The following EPHB2 variants were observed in gnomAD, a reference collection of about 807,000 sequenced individuals.
EPHB2 encodes ephrin type-B receptor 2.
In EPHB2, 18 loss-of-function variants were observed where a neutral mutation model predicts 96.4. The observed-to-expected ratio is 0.19, with a 90% CI of 0.13 to 0.28. EPHB2 has a LOEUF of 0.28. Ranked by LOEUF, EPHB2 falls within the 10% of genes least tolerant of loss-of-function variation. EPHB2 has a pLI of 1.00. For missense variants in EPHB2, 989 were observed against 1,355.4 expected (o/e 0.73, Z 4.25); for synonymous variants, 506 against 534.1 (o/e 0.95, Z 0.72).
At chr1:22,834,769 T>C (rs1247204239) in intron 3 of EPHB2, among the ~76,000 whole-genome samples, 1 of 150,624 alleles carries the variant, frequency 6.6e-6, no homozygotes, top group Non-Finnish European at 1.5e-5. Flanking sequence ...TACCAAAAAA[T>C]ACAAAAAGTA....
chr1:22,891,703 C>T (rs1183501598), intron 6 of EPHB2, among the ~76,000 whole-genome samples: 1 of 152,120 alleles, frequency 6.6e-6, no homozygotes, highest in African/African-American at 2.4e-5. Context: ...TTCTTCATCT[C>T]TCAAAGGAGA....
intron 3 of EPHB2, chr1:22,836,707 GC>G (rs1342374856): frequency 6.5e-6 from 1 of 152,942 alleles, no homozygotes; most frequent in Non-Finnish European, 1.5e-5. Flanking sequence ...AGATTTCAGA[GC>G]CGCAGTGACC....
chr1:22,742,926 C>CT (rs1643922252), intron 1 of EPHB2, among the ~76,000 whole-genome samples: 1 of 151,368 alleles, frequency 6.6e-6, no homozygotes. Context: ...GTCTCATACT[C>CT]TGTCACTCAG....
At chr1:22,834,632 A>C (rs894794818) in intron 3 of EPHB2, among the ~76,000 whole-genome samples, 2 of 152,210 alleles carry the variant, frequency 1.3e-5, no homozygotes, top group African/African-American at 4.8e-5. Context: ...TTTCAAAAAA[A>C]AAAATGGCAA....
intron 1 of EPHB2, among the ~76,000 whole-genome samples, chr1:22,773,843 A>G (rs921250033): frequency 6.6e-6 from 1 of 152,186 alleles, no homozygotes; most frequent in East Asian, 1.9e-4. Flanking sequence ...GTGGCTAAGG[A>G]CATGGGCTTT....
chr1:22,743,758 C>G (rs867243734), intron 1 of EPHB2, among the ~76,000 whole-genome samples: 41 of 152,326 alleles, frequency 2.7e-4, no homozygotes, highest in Middle Eastern at 6.8e-3. Context: ...TAGGTGTGAG[C>G]CACCGTGCCC....
At chr1:22,731,768 A>G (rs1643718460) in intron 1 of EPHB2, among the ~76,000 whole-genome samples, 1 of 152,160 alleles carries the variant, frequency 6.6e-6, no homozygotes, top group Admixed American at 6.5e-5. Flanking sequence ...TGAACCCGGG[A>G]AGTGGAGGTT....
At chr1:22,711,876 A>G (rs1570129340) in intron 1 of EPHB2, among the ~76,000 whole-genome samples, 1 of 151,972 alleles carries the variant, frequency 6.6e-6, no homozygotes, top group African/African-American at 2.4e-5. Context: ...CTCGACCCCC[A>G]GGGGGGCAAG....
Position 22,865,165 on chromosome 1 carries a change from C to T in EPHB2, c.1256C>T (p.Pro419Leu), listed in dbSNP as rs760440909. ...QAVNGVTDQS[P>L]FSPQFASVNI... The stretch of plus-strand genomic sequence containing the variant: ...GTGAACGGCGTTACTGACCAGAGCC[C>T]CTTCTCGCCTCAGTTCGCCTCTGTG... The change falls in exon 5 of 16, where the codon CCC becomes CTC. Residue 419 changes from proline (P) to leucine (L), a missense_variant. Physicochemically the swap from Pro to Leu is moderately conservative, Grantham distance 98. Transcript: ENST00000374630. 5 of 1,614,224 alleles carry T rather than the reference C, an allele frequency of 3.1e-6. No homozygotes were observed. In the South Asian group the frequency reaches 5.5e-5, roughly 18 times the overall value.
In EPHB2 at chr1:22,892,886, G is replaced by A. The variant is rs200298496; in HGVS notation, c.1431G>A (p.Glu477=). The part of the protein sequence containing the change: ...LDYELQYYEK[E]LSEYNATAIK... The stretch of plus-strand genomic sequence containing the variant: ...TTTTCTTCTCTGTTCCTCGGCAGGA[G>A]CTCAGTGAGTACAACGCCACAGCCA... Residue 477 remains glutamate (E), a splice_region_variant and synonymous_variant, in exon 7 of 16, where the codon GAG becomes GAA. Transcript: ENST00000374630. The A allele has an allele frequency of 3.7e-6, 6 of 1,614,222 alleles. No homozygotes were observed. In the Admixed American group the frequency reaches 1.0e-4, roughly 27 times the overall value.
chr1:22,844,329 T>C (rs1297516646), intron 3 of EPHB2, among the ~76,000 whole-genome samples: 3 of 152,242 alleles, frequency 2.0e-5, no homozygotes, highest in South Asian at 4.1e-4. Context: ...GAGAGGTATA[T>C]GCTCATGTGC....
chr1:22,900,210 C>T (rs1639706079), intron 9 of EPHB2, among the ~76,000 whole-genome samples: 2 of 151,664 alleles, frequency 1.3e-5, no homozygotes, highest in Non-Finnish European at 2.9e-5. Flanking sequence ...AGGAGAATTG[C>T]TTGAACCTGG....
At chr1:22,749,786 A>G (rs1216739271) in intron 1 of EPHB2, among the ~76,000 whole-genome samples, 1 of 152,140 alleles carries the variant, frequency 6.6e-6, no homozygotes, top group Non-Finnish European at 1.5e-5. Context: ...TCCAGACCCT[A>G]TACTGGGGGC....
intron 6 of EPHB2, chr1:22,892,678 C>A: frequency 1.4e-6 from 1 of 721,806 alleles, no homozygotes; most frequent in Non-Finnish European, 2.5e-6. Flanking sequence ...AAGACAGAGA[C>A]ATATACTCTG....
intron 1 of EPHB2, among the ~76,000 whole-genome samples, chr1:22,728,720 C>CT (rs1388939873): frequency 6.6e-6 from 1 of 152,240 alleles, no homozygotes; most frequent in African/African-American, 2.4e-5. Flanking sequence ...GCCGACAACT[C>CT]TAAGGCCCGT....
rs1446068191 is a variant in EPHB2, at chr1:22,917,481, G to T, written c.*3911G>T. 3 of 152,264 alleles carry T rather than the reference G, an allele frequency of 2.0e-5. No individual in the cohort carries two copies. The highest frequency in any genetic ancestry group is 4.4e-5 in the Non-Finnish European group (3 of 68,048). The allele number at this position is 152,264 out of a possible 1,614,324, so 9.4% of individuals were successfully genotyped here. On this transcript the variant is annotated 3_prime_UTR_variant, in exon 16 of 16. Transcript: ENST00000374630. ...AGGGTACCACATGATGCTAGGGAAA[G>T]TGCGTCATGACCGCAGGGTAGCAGC...
chr1:22,819,194 G>A (rs1357799008), intron 3 of EPHB2, among the ~76,000 whole-genome samples: 2 of 122,644 alleles, frequency 1.6e-5, no homozygotes, highest in African/African-American at 5.5e-5. Context: ...CAGCCTGGTC[G>A]CCCAGCAGAT....
intron 13 of EPHB2, among the ~76,000 whole-genome samples, chr1:22,909,401 T>C (rs1233692996): frequency 6.6e-6 from 1 of 152,184 alleles, no homozygotes; most frequent in African/African-American, 2.4e-5. Context: ...CATCCACACA[T>C]CAGCACGTCT....
chr1:22,713,319 G>A (rs1454986260), intron 1 of EPHB2, among the ~76,000 whole-genome samples: 1 of 152,152 alleles, frequency 6.6e-6, no homozygotes, highest in Non-Finnish European at 1.5e-5. Context: ...ATTTACTATG[G>A]GACCCTGGGC....
Sources: allele counts gnomAD v4.1 joint callset (sites outside exome capture counted in the v4.1 genomes callset), GRCh38; gene constraint gnomAD v4.1.1; transcripts MANE v1.5; gene names NCBI Gene and HGNC (gene_info 2026-07-23, HGNC 2026-07-21).